The following TMEM130 variants were observed in gnomAD, a reference collection of about 807,000 sequenced individuals.
TMEM130 encodes the protein transmembrane protein 130.
In TMEM130, 37 loss-of-function variants were observed where a neutral mutation model predicts 42.9. The observed-to-expected ratio is 0.86, with a 90% CI of 0.66 to 1.13. The LOEUF is 1.13. TMEM130 is among the 50% of genes most tolerant of loss of function. The pLI, the probability that TMEM130 is intolerant of heterozygous loss-of-function variation, is 0.00. For missense variants in TMEM130, 545 were observed against 562.6 expected (o/e 0.97, Z 0.32); for synonymous variants, 259 against 237.7 (o/e 1.09, Z -0.82).
chr7:98,851,463 T>C lies in TMEM130; in HGVS notation c.964A>G (p.Ser322Gly). 1 of 1,614,114 alleles carries C rather than the reference T, an allele frequency of 6.2e-7. No individual in the cohort carries two copies. The highest frequency in any genetic ancestry group is 8.5e-7 in the Non-Finnish European group (1 of 1,180,024). ...CFSIRAENII[S>G]KTHQYHKIQV... ...ATCTTGTGGTACTGATGTGTCTTGC[T>C]GATGATATTCTCGGCCCGGATGCTG... The change falls in exon 6 of 8, where the codon AGC becomes GGC. Residue 322 changes from serine (S) to glycine (G), a missense_variant. By Grantham distance (56) the Ser-to-Gly change is moderately conservative. Transcript: ENST00000339375.
intron 5 of TMEM130, among the ~76,000 whole-genome samples, chr7:98,854,857 G>A (rs895199030): frequency 2.6e-5 from 4 of 152,114 alleles, no homozygotes; most frequent in Non-Finnish European, 4.4e-5. Flanking sequence ...GCAACATGGT[G>A]AAACCCCATC....
At chr7:98,860,678 C>T (rs1444082172) in intron 2 of TMEM130, among the ~76,000 whole-genome samples, 3 of 152,152 alleles carry the variant, frequency 2.0e-5, no homozygotes, top group South Asian at 2.1e-4. Context: ...GGTGCGGTGG[C>T]TCACACCTGT....
intron 1 of TMEM130, among the ~76,000 whole-genome samples, chr7:98,868,860 T>C (rs1239055214): frequency 6.6e-6 from 1 of 152,180 alleles, no homozygotes; most frequent in Non-Finnish European, 1.5e-5. Context: ...CAGGAGGAAA[T>C]AGGTAATCTT....
At chr7:98,857,643 T>C (rs1554399222) in intron 3 of TMEM130, among the ~76,000 whole-genome samples, 1 of 150,148 alleles carries the variant, frequency 6.7e-6, no homozygotes, top group Non-Finnish European at 1.5e-5. Flanking sequence ...GAGGTTGCAG[T>C]GAGCAGTGAT....
Position 98,862,953 on chromosome 7 carries a change from C to T in TMEM130, c.391+142G>A, listed in dbSNP as rs1794818533. On this transcript the variant is annotated intron_variant, in intron 2 of 7. Coordinates refer to ENST00000339375, the MANE Select transcript of TMEM130 (RefSeq NM_152913.3). ...CATTTTCAGATCCTTTCTAACTCGACTGACCCGGGGAAGGAACCTACGGGC... is the reference window on the plus strand; with the variant it reads ...CATTTTCAGATCCTTTCTAACTCGATTGACCCGGGGAAGGAACCTACGGGC... 3 of 917,252 alleles carry T rather than the reference C, an allele frequency of 3.3e-6. No individual in the cohort carries two copies. The East Asian group carries it at 7.3e-5, about 22-fold the overall frequency. 56.8% of individuals were successfully genotyped at this position (917,252 alleles called of 1,614,324 possible).
At chr7:98,862,706 G>A (rs1554399972) in intron 2 of TMEM130, among the ~76,000 whole-genome samples, 2 of 151,968 alleles carry the variant, frequency 1.3e-5, no homozygotes, top group African/African-American at 4.8e-5. Context: ...TGTCATGCTG[G>A]CCAGATGGCT....
At chr7:98,853,818 T>G (rs1446619016) in intron 5 of TMEM130, among the ~76,000 whole-genome samples, 1 of 152,216 alleles carries the variant, frequency 6.6e-6, no homozygotes, top group Non-Finnish European at 1.5e-5. Context: ...TTGATTAGAC[T>G]GACTGATGAG....
chr7:98,868,585 A>C (rs1422036600), intron 1 of TMEM130, among the ~76,000 whole-genome samples: 1 of 152,072 alleles, frequency 6.6e-6, no homozygotes, highest in African/African-American at 2.4e-5. Flanking sequence ...TGACTTACAA[A>C]TCCCTGATTC....
At position 98,863,113 on chromosome 7, in the gene TMEM130, C is replaced by A. The variant is rs1794823397; in HGVS notation, c.373G>T (p.Val125Leu). ...WMCQPVARGF[V>L]VLPITEFLVG... is the part of the protein sequence containing the mutation. ...CCCTCACCTGTGATGGGGAGGACCA[C>A]AAAGCCCCTGGCCACAGGCTGGCAC... The change falls in exon 2 of 8, where the codon GTG becomes TTG. Residue 125 changes from valine to leucine, a missense_variant. Transcript: ENST00000339375. 1 of 1,612,848 alleles carries A rather than the reference C, an allele frequency of 6.2e-7. No individual in the cohort carries two copies. The highest frequency in any genetic ancestry group is 1.7e-5 in the Admixed American group (1 of 59,994).
Position 98,863,362 on chromosome 7 carries a change from T to C in TMEM130, c.124A>G (p.Thr42Ala). Reference sequence around the variant, plus strand: ...GAGATGGTCACCACCGCTCCCGTGGTGGCAGGGCTATCGGTGGTGAGATTG... The same window carrying C: ...GAGATGGTCACCACCGCTCCCGTGGCGGCAGGGCTATCGGTGGTGAGATTG... ...ELNLTTDSPA[T>A]TGAVVTISAS... The change falls in exon 2 of 8, where the codon ACC becomes GCC. Residue 42 changes from threonine (T) to alanine (A), a missense_variant. By Grantham distance (58) the Thr-to-Ala change is moderately conservative. Coordinates refer to ENST00000339375, the MANE Select transcript of TMEM130 (RefSeq NM_152913.3). 6.2e-7 allele frequency: 1 copy of C among 1,605,000 alleles called. No individual in the cohort carries two copies. The highest frequency in any genetic ancestry group is 1.7e-5 in the Admixed American group (1 of 59,892).
intron 6 of TMEM130, among the ~76,000 whole-genome samples, chr7:98,850,273 A>ATATATATATATTTTTT: frequency 8.5e-5 from 3 of 35,450 alleles, no homozygotes; most frequent in African/African-American, 7.6e-5. Context: ...ATATATATAT[A>ATATATATATATTTTTT]TTTTTTTTTT....
rs922318791 is a variant in TMEM130, at chr7:98,851,738, C to T, written c.804-115G>A. On this transcript the variant is annotated intron_variant, in intron 5 of 7. Coordinates refer to ENST00000339375, the MANE Select transcript of TMEM130 (RefSeq NM_152913.3). ...CTTCAGTGTCCTTTCCAGGACAGGA[C>T]ATCAAGCCGTCCTGGACTCAGCTTC... 1.4e-5 allele frequency: 13 copies of T among 925,122 alleles called. No homozygotes were observed. In the African/African-American group the frequency reaches 2.0e-4, roughly 14 times the overall value. The allele number at this position is 925,122 out of a possible 1,614,324, so 57.3% of individuals were successfully genotyped here.
chr7:98,850,267 A>T lies in TMEM130; in HGVS notation c.1006+1154T>A, dbSNP rs868982648. ...GTCTCTCTCATATATATATATATAT[A>T]TATATATTTTTTTTTTTTTTTAATT... On this transcript the variant is annotated intron_variant, in intron 6 of 7. Coordinates refer to ENST00000339375, the MANE Select transcript of TMEM130 (RefSeq NM_152913.3). Among the ~76,000 whole-genome samples, 211 of 28,672 alleles carry T rather than the reference A, an allele frequency of 7.4e-3. 1 individual carries two copies. The highest frequency in any genetic ancestry group is 0.016 in the East Asian group (20 of 1,288). 18.8% of individuals were successfully genotyped at this position (28,672 alleles called of 152,430 possible).
In TMEM130 at chr7:98,860,263, A is replaced by G; in HGVS notation, c.467T>C (p.Val156Ala). The change falls in exon 3 of 8, where the codon GTC (valine) becomes GCC (alanine). Residue 156 changes from valine (V) to alanine (A), a missense_variant. Val to Ala is a moderately conservative substitution (Grantham distance 64). Coordinates refer to ENST00000339375, the MANE Select transcript of TMEM130 (RefSeq NM_152913.3). The stretch of plus-strand genomic sequence containing the variant: ...GTGGAGGAGGAAGGAGACTTTCAGG[A>G]CGGTCTTAGTGAGATAGGAGCTGGG... Reference protein sequence around the residue: ...PWPSSYLTKTVLKVSFLLHDP... With the variant: ...PWPSSYLTKTALKVSFLLHDP... 6.2e-7 allele frequency: 1 copy of G among 1,613,816 alleles called. No individual in the cohort carries two copies.
At chr7:98,863,623 TTCCCTCCC>T (rs369674726) in intron 1 of TMEM130, among the ~76,000 whole-genome samples, 1 of 150,152 alleles carries the variant, frequency 6.7e-6, no homozygotes, top group African/African-American at 2.5e-5. Context: ...CCTTCCTTCC[TTCCCTCCC>T]TCCCTCCCTC....
At position 98,855,257 on chromosome 7, in the gene TMEM130, G is replaced by T. The variant is rs374694999; in HGVS notation, c.786C>A (p.Thr262=). ...TCACTTACCTCCCCAGGAAGTTCAA[G>T]GTCACGGTCATCTTTTGGAAGGTCT... ...LIQTFQKMTV[T]LNFLGSPPLT... The change falls in exon 5 of 8, where the codon ACC becomes ACA. Residue 262 remains threonine (T), a synonymous_variant. Coordinates refer to ENST00000339375, the MANE Select transcript of TMEM130 (RefSeq NM_152913.3). The T allele has an allele frequency of 1.2e-6, 2 of 1,613,416 alleles. No individual in the cohort carries two copies. Among genetic ancestry groups the T allele is most frequent in the East Asian group, 4.5e-5 (2 of 44,850 alleles).
chr7:98,850,197 G>C (rs1397808555), intron 6 of TMEM130, among the ~76,000 whole-genome samples: 1 of 140,642 alleles, frequency 7.1e-6, no homozygotes, highest in Non-Finnish European at 1.5e-5. Context: ...GAGACCTACA[G>C]GCACACGCCA....
chr7:98,850,271 A>ATTTTTTTTTTTT (rs1290884464), intron 6 of TMEM130, among the ~76,000 whole-genome samples: 3 of 33,878 alleles, frequency 8.9e-5, no homozygotes, highest in African/African-American at 2.3e-4. Flanking sequence ...ATATATATAT[A>ATTTTTTTTTTTT]TATTTTTTTT....
At position 98,869,595 on chromosome 7, in the gene TMEM130, G is replaced by A. The variant is rs1011707913; in HGVS notation, c.85+182C>T. Among the ~76,000 whole-genome samples, 1 of 152,140 alleles carries A rather than the reference G, an allele frequency of 6.6e-6. No homozygotes were observed. Among genetic ancestry groups the A allele is most frequent in the South Asian group, 2.1e-4 (1 of 4,826 alleles). On this transcript the variant is annotated intron_variant, in intron 1 of 7. Coordinates refer to ENST00000339375, the MANE Select transcript of TMEM130 (RefSeq NM_152913.3). This position sits in a 1 kb window ranked among gnomAD's most constrained non-coding sequence, Gnocchi z 4.7. ...CCTCCAGTGCCCAGGCGACTTTGGGGAACAAGGATGAAAGGAGAGGGGAAA... is the reference window on the plus strand; with the variant it reads ...CCTCCAGTGCCCAGGCGACTTTGGGAAACAAGGATGAAAGGAGAGGGGAAA...
Sources: allele counts gnomAD v4.1 joint callset (sites outside exome capture counted in the v4.1 genomes callset), GRCh38; gene constraint gnomAD v4.1.1; non-coding constraint Gnocchi (gnomAD v3.1); transcripts MANE v1.5; gene names NCBI Gene and HGNC (gene_info 2026-07-23, HGNC 2026-07-21).